Variants in RAB3GAP1 observed in about 807,000 individuals in gnomAD.
RAB3GAP1 encodes RAB3 GTPase activating protein catalytic subunit 1, also known as rab3 GTPase-activating protein catalytic subunit.
Under a neutral mutation model 130.7 loss-of-function variants are expected in RAB3GAP1, and 86 were observed. That is an observed-to-expected ratio of 0.66 (90% CI 0.55 to 0.79). The LOEUF is 0.79. RAB3GAP1 is among the 30% of genes least tolerant of loss of function. The pLI, the probability that RAB3GAP1 is intolerant of heterozygous loss-of-function variation, is 0.00. For synonymous variants in RAB3GAP1, 367 were observed against 401.7 expected (o/e 0.91, Z 1.03); for missense variants, 1,029 against 1,169.4 (o/e 0.88, Z 1.75).
At chr2:135,171,562 A>G (rs184859052), downstream of RAB3GAP1, among the ~76,000 whole-genome samples, 3 of 152,248 alleles carry the variant, frequency 2.0e-5, no homozygotes, top group East Asian at 3.9e-4. Flanking sequence ...ATACATTCCT[A>G]TACCACTGTA....
chr2:135,131,431 C>T (rs940701433), intron 13 of RAB3GAP1, among the ~76,000 whole-genome samples: 1 of 151,968 alleles, frequency 6.6e-6, no homozygotes, highest in Non-Finnish European at 1.5e-5. Flanking sequence ...AGGGTTTCAC[C>T]GTGTTAGCCA....
chr2:135,057,576 G>T (rs1272409702), intron 2 of RAB3GAP1, among the ~76,000 whole-genome samples: 1 of 152,146 alleles, frequency 6.6e-6, no homozygotes, highest in East Asian at 1.9e-4. Context: ...TTTTGTATTT[G>T]TGCTGGGCTG....
intron 23 of RAB3GAP1, among the ~76,000 whole-genome samples, chr2:135,167,996 G>A (rs866371131): frequency 6.6e-6 from 1 of 152,022 alleles, no homozygotes; most frequent in African/African-American, 2.4e-5. Flanking sequence ...TTAATATTGC[G>A]AACTTCTCTT....
chr2:135,150,546 T>G (rs1692145726), intron 18 of RAB3GAP1, 40 bp downstream of exon 18: 6 of 1,612,340 alleles, frequency 3.7e-6, no homozygotes, highest in Non-Finnish European at 5.1e-6. Context: ...TATTTTGAGC[T>G]ATTCTGGGAT....
At chr2:135,080,273 C>G (rs970884889) in intron 3 of RAB3GAP1, among the ~76,000 whole-genome samples, 26 of 152,286 alleles carry the variant, frequency 1.7e-4, no homozygotes, top group African/African-American at 6.0e-4. Flanking sequence ...TTAATTCATA[C>G]AGTCTGCTTT....
intron 5 of RAB3GAP1, among the ~76,000 whole-genome samples, chr2:135,095,487 T>G (rs1370904718): frequency 1.3e-5 from 2 of 152,252 alleles, no homozygotes; most frequent in Non-Finnish European, 2.9e-5. Context: ...GAAATTTTAA[T>G]ACATATTATT....
chr2:135,139,787 A>C (rs1461740732), intron 17 of RAB3GAP1, among the ~76,000 whole-genome samples: 15 of 152,100 alleles, frequency 9.9e-5, no homozygotes, highest in Admixed American at 9.8e-4. Context: ...AAATGTGGCT[A>C]ATGTTTCTAA....
intron 7 of RAB3GAP1, among the ~76,000 whole-genome samples, chr2:135,119,085 T>G (rs1381044999): frequency 2.0e-5 from 2 of 102,094 alleles, no homozygotes; most frequent in East Asian, 3.1e-4. Context: ...CCTCCCTCCC[T>G]CCCTCCCTCC....
At position 135,170,354 on chromosome 2, in the gene RAB3GAP1, G is replaced by A. The variant is rs1692816428; in HGVS notation, c.*1573G>A. On this transcript the variant is annotated 3_prime_UTR_variant, in exon 24 of 24. Transcript: ENST00000264158. ...GTCTAATTTCATGTGGTTTTGTGCT[G>A]TCTCAGCTCTAATGTTTGCAGCCTG... The A allele has an allele frequency of 6.6e-6, 1 of 152,164 alleles. No homozygotes were observed. Among genetic ancestry groups the A allele is most frequent in the South Asian group, 2.1e-4 (1 of 4,830 alleles). 9.4% of individuals were successfully genotyped at this position (152,164 alleles called of 1,614,324 possible).
At chr2:135,126,808 A>C (rs1316105945) in intron 11 of RAB3GAP1, 152 bp downstream of exon 11, 1 of 707,220 alleles carries the variant, frequency 1.4e-6, no homozygotes, top group Non-Finnish European at 2.6e-6. Flanking sequence ...TCCTTTTTTG[A>C]ATAGTGCCAG....
At chr2:135,135,451 C>T (rs1016363897) in intron 16 of RAB3GAP1, 113 bp from the exon 17 acceptor site, 3 of 1,442,184 alleles carry the variant, frequency 2.1e-6, no homozygotes, top group Non-Finnish European at 2.9e-6. Flanking sequence ...GTAGTCACTG[C>T]AATTCACAAG....
At chr2:135,160,670 G>A (rs1276075758) in intron 19 of RAB3GAP1, among the ~76,000 whole-genome samples, 1 of 81,574 alleles carries the variant, frequency 1.2e-5, no homozygotes, top group Non-Finnish European at 2.0e-5. Flanking sequence ...GAAAGACCCT[G>A]TCTCAAAAAA....
At chr2:135,117,699 T>TCTTCTG (rs1253424565) in intron 7 of RAB3GAP1, among the ~76,000 whole-genome samples, 1 of 149,992 alleles carries the variant, frequency 6.7e-6, no homozygotes, top group African/African-American at 2.5e-5. Flanking sequence ...TTCTTCTGCT[T>TCTTCTG]CTTCTGCTTC....
chr2:135,066,800 G>C (rs538633974), intron 3 of RAB3GAP1, among the ~76,000 whole-genome samples: 1 of 152,124 alleles, frequency 6.6e-6, no homozygotes, highest in South Asian at 2.1e-4. Flanking sequence ...ATTCTATTTA[G>C]CTAGCAAAAA....
At chr2:135,119,622 T>C (rs1691136664) in intron 7 of RAB3GAP1, among the ~76,000 whole-genome samples, 1 of 152,202 alleles carries the variant, frequency 6.6e-6, no homozygotes, top group African/African-American at 2.4e-5. Context: ...AAAACTGAAT[T>C]AGGTTTTTTG....
At chr2:135,071,197 C>T (rs1689462964) in intron 3 of RAB3GAP1, among the ~76,000 whole-genome samples, 1 of 152,202 alleles carries the variant, frequency 6.6e-6, no homozygotes, top group African/African-American at 2.4e-5. Flanking sequence ...GTATCCTGGC[C>T]TTGAGGCCCA....
chr2:135,062,546 C>T (rs886134436), intron 3 of RAB3GAP1, among the ~76,000 whole-genome samples: 1 of 152,174 alleles, frequency 6.6e-6, no homozygotes, highest in Non-Finnish European at 1.5e-5. Flanking sequence ...TTAGAATAGG[C>T]TTGCTAATTA....
chr2:135,173,071 C>T (rs1692901625), downstream of RAB3GAP1, among the ~76,000 whole-genome samples: 2 of 152,072 alleles, frequency 1.3e-5, no homozygotes, highest in Admixed American at 1.3e-4. Context: ...GGACCTTGGG[C>T]CTGGACCACC....
intron 14 of RAB3GAP1, among the ~76,000 whole-genome samples, chr2:135,133,422 A>T (rs1691599909): frequency 1.3e-5 from 2 of 152,096 alleles, no homozygotes; most frequent in African/African-American, 4.8e-5. Context: ...AAGTGTAGAT[A>T]TATATCAACC....
Sources: gnomAD v4.1 joint callset for allele counts (sites outside exome capture counted in the v4.1 genomes callset) on GRCh38, gnomAD v4.1.1 for gene constraint, MANE v1.5 for transcripts, NCBI Gene and HGNC (gene_info 2026-07-23, HGNC 2026-07-21) for gene names.